The following LRRC4C variants were observed in gnomAD, a reference collection of about 807,000 sequenced individuals.
The protein encoded by LRRC4C is leucine rich repeat containing 4C.
Under a neutral mutation model 33.6 loss-of-function variants are expected in LRRC4C, and 5 were observed. The observed-to-expected ratio is 0.15, with a 90% confidence interval of 0.08 to 0.31. The LOEUF is 0.31. LRRC4C is among the 10% of genes least tolerant of loss of function. The pLI is 1.00. For synonymous variants in LRRC4C, 329 were observed against 302.0 expected, an observed-to-expected ratio of 1.09 and a Z score of -0.93; for missense variants, 560 against 796.7, an observed-to-expected ratio of 0.70 and a Z score of 3.58.
At chr11:41,098,553 A>G (rs1387858812) in intron 1 of LRRC4C, among the ~76,000 whole-genome samples, 1 of 152,124 alleles carries the variant, frequency 6.6e-6, no homozygotes, top group Non-Finnish European at 1.5e-5. Context: ...CCAGAATAAA[A>G]TATTTCAGCG....
intron 2 of LRRC4C, among the ~76,000 whole-genome samples, chr11:40,719,445 G>A (rs1946896860): frequency 6.6e-6 from 1 of 152,164 alleles, no homozygotes; most frequent in African/African-American, 2.4e-5. Flanking sequence ...AACTTTTACT[G>A]CCGTTAGATC....
rs565519164 is a variant in LRRC4C at position 40,865,247 on chromosome 11, G to T, written c.-407+68388C>A. On this transcript the variant is annotated intron_variant, in intron 2 of 6. Coordinates refer to ENST00000528697, the MANE Select transcript of LRRC4C (RefSeq NM_001258419.2). ...CTAAAAAAGTTCATCTCACAGAATAGAGTATAACGGTTATGATAATGGTTA... is the reference window on the plus strand; with the variant it reads ...CTAAAAAAGTTCATCTCACAGAATATAGTATAACGGTTATGATAATGGTTA... Among the ~76,000 whole-genome samples, 13 of 152,236 alleles carry T rather than the reference G, an allele frequency of 8.5e-5. No homozygotes were observed. The South Asian group carries it at 2.7e-3, about 32-fold the overall frequency.
intron 4 of LRRC4C, among the ~76,000 whole-genome samples, chr11:40,252,213 G>A (rs1183335118): frequency 6.6e-6 from 1 of 151,682 alleles, no homozygotes; most frequent in Admixed American, 6.6e-5. Context: ...GCACACATAT[G>A]TATATACATA....
At chr11:41,312,671 T>C (rs771349475) in intron 1 of LRRC4C, among the ~76,000 whole-genome samples, 16 of 152,204 alleles carry the variant, frequency 1.1e-4, no homozygotes, top group Non-Finnish European at 1.9e-4. Flanking sequence ...AAGGAAACAG[T>C]AGAAGCACAC....
At chr11:40,166,270 A>G (rs1403059404) in intron 5 of LRRC4C, among the ~76,000 whole-genome samples, 1 of 152,222 alleles carries the variant, frequency 6.6e-6, no homozygotes, top group Non-Finnish European at 1.5e-5. Context: ...ATGGAATACC[A>G]TATAGCTGGA....
intron 1 of LRRC4C, among the ~76,000 whole-genome samples, chr11:41,322,628 A>G (rs1950991588): frequency 6.6e-6 from 1 of 152,236 alleles, no homozygotes; most frequent in Non-Finnish European, 1.5e-5. Flanking sequence ...ATTTAAAAAA[A>G]CATACGGGTG....
intron 6 of LRRC4C, among the ~76,000 whole-genome samples, chr11:40,118,233 T>C (rs977522053): frequency 6.7e-6 from 1 of 148,636 alleles, no homozygotes; most frequent in African/African-American, 2.4e-5. Flanking sequence ...ATTACTTATA[T>C]TAAAATATTA....
chr11:41,313,114 C>G (rs75614481), intron 1 of LRRC4C, among the ~76,000 whole-genome samples: 2,109 of 152,240 alleles, frequency 0.014, 55 homozygotes, highest in African/African-American at 0.047. Context: ...GATACATACG[C>G]CTCTTATCCT....
At chr11:40,243,861 T>A (rs1866122668) in intron 4 of LRRC4C, among the ~76,000 whole-genome samples, 1 of 150,990 alleles carries the variant, frequency 6.6e-6, no homozygotes, top group African/African-American at 2.4e-5. Context: ...GGTATTTTTT[T>A]TTTTTTTTTT....
chr11:41,048,633 A>G (rs1192256855), intron 1 of LRRC4C, among the ~76,000 whole-genome samples: 3 of 152,166 alleles, frequency 2.0e-5, no homozygotes, highest in Non-Finnish European at 4.4e-5. Context: ...TACCTGTATA[A>G]TGATCAATAT....
intron 1 of LRRC4C, among the ~76,000 whole-genome samples, chr11:41,246,672 CA>C (rs1591052985): frequency 6.6e-6 from 1 of 152,288 alleles, no homozygotes; most frequent in East Asian, 1.9e-4. Context: ...TCATCAATAT[CA>C]TGTATTTAGA....
At chr11:40,601,327 A>G (rs1028929834) in intron 3 of LRRC4C, among the ~76,000 whole-genome samples, 3 of 152,178 alleles carry the variant, frequency 2.0e-5, no homozygotes, top group African/African-American at 7.2e-5. Context: ...CTAGTCAAGT[A>G]TCTCCTTCTT....
At chr11:40,979,630 A>G (rs1322536754) in intron 1 of LRRC4C, among the ~76,000 whole-genome samples, 1 of 152,208 alleles carries the variant, frequency 6.6e-6, no homozygotes, top group Non-Finnish European at 1.5e-5. Context: ...GCCCGAATTC[A>G]TCTTTGTCAG....
At chr11:40,378,352 T>C (rs1285201552) in intron 3 of LRRC4C, among the ~76,000 whole-genome samples, 1 of 152,010 alleles carries the variant, frequency 6.6e-6, no homozygotes, top group Non-Finnish European at 1.5e-5. Flanking sequence ...ATTATCATAA[T>C]CATAATTGAA....
chr11:41,297,970 A>G (rs1483189187), intron 1 of LRRC4C, among the ~76,000 whole-genome samples: 1 of 152,160 alleles, frequency 6.6e-6, no homozygotes, highest in African/African-American at 2.4e-5. Flanking sequence ...GCCTTGGGAA[A>G]GACACACCCT....
intron 3 of LRRC4C, among the ~76,000 whole-genome samples, chr11:40,639,709 G>A (rs546279940): frequency 3.3e-5 from 5 of 152,268 alleles, no homozygotes; most frequent in Admixed American, 3.3e-4. Flanking sequence ...AATGTGTCCT[G>A]TGAAACATTT....
intron 1 of LRRC4C, among the ~76,000 whole-genome samples, chr11:41,075,027 T>TATTTTTTTTTTTA (rs1555064841): frequency 2.9e-5 from 3 of 102,976 alleles, no homozygotes; most frequent in South Asian, 2.8e-4. Flanking sequence ...TTTTTTTTTT[T>TATTTTTTTTTTTA]TTTTTTTTTA....
At chr11:40,858,692 TAAAAAAAAAAA>T (rs201131448) in intron 2 of LRRC4C, among the ~76,000 whole-genome samples, 2 of 80,168 alleles carry the variant, frequency 2.5e-5, no homozygotes, top group South Asian at 9.8e-4. Context: ...GACTCCTTCT[TAAAAAAAAAAA>T]AAAAAAAAAA....
chr11:40,430,090 G>T (rs1401184753), intron 3 of LRRC4C, among the ~76,000 whole-genome samples: 1 of 152,166 alleles, frequency 6.6e-6, no homozygotes, highest in Non-Finnish European at 1.5e-5. Flanking sequence ...AAAAAGCAGA[G>T]CTTGGTATCT....
Sources: gnomAD v4.1 joint callset for allele counts (sites outside exome capture counted in the v4.1 genomes callset) on GRCh38, gnomAD v4.1.1 for gene constraint, MANE v1.5 for transcripts, NCBI Gene and HGNC (gene_info 2026-07-23, HGNC 2026-07-21) for gene names.